Variants in PSTPIP1 observed in about 807,000 individuals in gnomAD.
PSTPIP1 encodes the protein proline-serine-threonine phosphatase-interacting protein 1.
In PSTPIP1, 66 loss-of-function variants were observed where a neutral mutation model predicts 69.6. The observed-to-expected ratio is 0.95, with a 90% confidence interval of 0.78 to 1.16. PSTPIP1 has a LOEUF of 1.16. PSTPIP1 is among the 50% of genes most tolerant of loss of function. PSTPIP1 has a pLI of 0.00. For missense variants in PSTPIP1, 603 were observed against 557.4 expected, an observed-to-expected ratio of 1.08 and a Z score of -0.82; for synonymous variants, 266 against 222.7, an observed-to-expected ratio of 1.19 and a Z score of -1.73.
chr15:77,008,656 C>A (rs144825829), intron 1 of PSTPIP1, among the ~76,000 whole-genome samples: 1 of 152,176 alleles, frequency 6.6e-6, no homozygotes, highest in Non-Finnish European at 1.5e-5. Flanking sequence ...GTAATCCACC[C>A]GCCTCGGCTT....
At chr15:77,009,649 G>A (rs2075892835) in intron 1 of PSTPIP1, among the ~76,000 whole-genome samples, 1 of 152,104 alleles carries the variant, frequency 6.6e-6, no homozygotes, top group Non-Finnish European at 1.5e-5. Context: ...CAAATGCCCT[G>A]CATGAGGCTC....
chr15:76,996,438 G>C (rs1422372162), intron 1 of PSTPIP1, among the ~76,000 whole-genome samples: 8 of 152,140 alleles, frequency 5.3e-5, no homozygotes, highest in Non-Finnish European at 1.0e-4. Context: ...GAAAAACTGA[G>C]ACCTCTCTGG....
At chr15:76,994,942 A>G (rs1459078545), upstream of PSTPIP1, 3 of 1,237,734 alleles carry the variant, frequency 2.4e-6, no homozygotes, top group South Asian at 1.3e-5. Flanking sequence ...TCCTGGCCAC[A>G]CTGTCAGTGG....
chr15:77,028,344 G>T (rs2076335559), intron 6 of PSTPIP1: 11 of 539,650 alleles, frequency 2.0e-5, no homozygotes, highest in Non-Finnish European at 3.6e-5. Flanking sequence ...TGTCCTCAGT[G>T]GGGAGGGCCT....
chr15:77,023,929 T>A (rs915879854), intron 3 of PSTPIP1: 2 of 151,744 alleles, frequency 1.3e-5, no homozygotes, highest in African/African-American at 4.9e-5. Flanking sequence ...CAGAGAAGAG[T>A]CCTGAGCCCC....
At chr15:77,012,492 TCCAC>T (rs1158783158) in intron 1 of PSTPIP1, among the ~76,000 whole-genome samples, 1 of 142,298 alleles carries the variant, frequency 7.0e-6, no homozygotes, top group African/African-American at 2.6e-5. Context: ...CACCCATCCA[TCCAC>T]CCACCCATCC....
chr15:77,037,000 C>T (rs760039352), intron 14 of PSTPIP1, 45 bp from the exon 15 acceptor site: 9 of 1,598,072 alleles, frequency 5.6e-6, no homozygotes, highest in Admixed American at 1.7e-5. Flanking sequence ...CAGGCCCTTC[C>T]CTGCAGGCCC....
Position 77,028,662 on chromosome 15 carries a change from G to T in PSTPIP1, c.516+10G>T. On this transcript the variant is annotated intron_variant, in intron 7 of 14. Coordinates refer to ENST00000558012, the MANE Select transcript of PSTPIP1 (RefSeq NM_003978.5). ...GAAGCAGGTGGAGAAGGTGCGCTGG[G>T]CTGCTGGGCCGTGTGGGTCGCCCAG... is the stretch of plus-strand genomic sequence containing the variant. 1 of 1,547,660 alleles carries T rather than the reference G, an allele frequency of 6.5e-7. No individual in the cohort carries two copies. Among genetic ancestry groups the T allele is most frequent in the Non-Finnish European group, 8.7e-7 (1 of 1,144,198 alleles).
In PSTPIP1 at chr15:77,037,056, G is replaced by A; in HGVS notation, c.1131G>A (p.Glu377=). The A allele has an allele frequency of 6.2e-7, 1 of 1,612,216 alleles. No homozygotes were observed. Among genetic ancestry groups the A allele is most frequent in the Non-Finnish European group, 8.5e-7 (1 of 1,179,608 alleles). The change falls in exon 15 of 15, where the codon GAG becomes GAA. Residue 377 remains glutamate, a synonymous_variant. Transcript: ENST00000558012. ...LYDYTAQNPD[E]LDLSAGDILE... ...AATCTCTTGGCCAGAACCCAGATGA[G>A]CTGGACCTGTCCGCGGGAGACATCC...
At chr15:77,036,907 G>C (rs948221702) in intron 14 of PSTPIP1, 138 bp from the exon 15 acceptor site, 1 of 1,160,044 alleles carries the variant, frequency 8.6e-7, no homozygotes, top group Non-Finnish European at 1.2e-6. Context: ...CCCCCATCCT[G>C]TGTCCCCAAG....
chr15:76,998,944 G>A (rs2075639675), intron 1 of PSTPIP1, among the ~76,000 whole-genome samples: 1 of 152,188 alleles, frequency 6.6e-6, no homozygotes, highest in Non-Finnish European at 1.5e-5. Flanking sequence ...TCACACCTTG[G>A]CAGGAAGTTT....
At position 77,037,341 on chromosome 15, in the gene PSTPIP1, G is replaced by T. The variant is rs538504370; in HGVS notation, c.*165G>T. The T allele has an allele frequency of 1.9e-5, 17 of 901,332 alleles. No homozygotes were observed. The highest frequency in any genetic ancestry group is 1.2e-4 in the Admixed American group (4 of 33,686). The allele number at this position is 901,332 out of a possible 1,614,324, so 55.8% of individuals were successfully genotyped here. On this transcript the variant is annotated 3_prime_UTR_variant, in exon 15 of 15. Transcript: ENST00000558012. Reference sequence around the variant, plus strand: ...GAGTGCGTTCTGTTCTCCTTGGTGTGCTGGGGTCCCGTTCTCTTTTTCTCC... The same window carrying T: ...GAGTGCGTTCTGTTCTCCTTGGTGTTCTGGGGTCCCGTTCTCTTTTTCTCC...
intron 1 of PSTPIP1, among the ~76,000 whole-genome samples, chr15:76,997,175 C>T (rs1445072361): frequency 6.6e-6 from 1 of 152,236 alleles, no homozygotes; most frequent in Non-Finnish European, 1.5e-5. Flanking sequence ...TCCTGAGCGG[C>T]ATCCTGCCCA....
intron 10 of PSTPIP1, 142 bp from the exon 11 acceptor site, chr15:77,032,156 G>A (rs1434694178): frequency 1.1e-5 from 8 of 739,104 alleles, no homozygotes; most frequent in Middle Eastern, 3.7e-4. Flanking sequence ...AGCCAGGGCC[G>A]TGACCCCTCA....
At position 77,035,553 on chromosome 15, in the gene PSTPIP1, A is replaced by G; in HGVS notation, c.975A>G (p.Ala325=). Residue 325 remains alanine, a synonymous_variant, in exon 13 of 15, where the codon GCA becomes GCG. Transcript: ENST00000558012. ...GAAGTCCCAAGACCACTTCGTTGGC[A>G]GCTTCTGCTGGTAAAGGGGGTCAGG... ...LHGSPKTTSL[A]ASAASTETLT... is the part of the protein sequence containing the mutation. The G allele has an allele frequency of 6.3e-7, 1 of 1,585,106 alleles. No individual in the cohort carries two copies. The highest frequency in any genetic ancestry group is 1.1e-5 in the South Asian group (1 of 87,142).
At chr15:77,016,697 G>C (rs2076058888) in intron 1 of PSTPIP1, among the ~76,000 whole-genome samples, 1 of 152,052 alleles carries the variant, frequency 6.6e-6, no homozygotes, top group Non-Finnish European at 1.5e-5. Context: ...GAGTTTGTGG[G>C]GAGGGGGGGC....
intron 1 of PSTPIP1, among the ~76,000 whole-genome samples, chr15:77,014,631 C>T (rs1415623295): frequency 6.6e-6 from 1 of 152,208 alleles, no homozygotes; most frequent in Admixed American, 6.5e-5. Flanking sequence ...CCTGCAGCCA[C>T]CAAGAGTTAT....
rs149036825 is a variant in PSTPIP1 at position 77,036,764 on chromosome 15, C to T, written c.1120-281C>T. Among the ~76,000 whole-genome samples the T allele has an allele frequency of 1.2e-3, 177 of 152,212 alleles. 2 individuals carry two copies. Among genetic ancestry groups the T allele is most frequent in the African/African-American group, 4.1e-3 (172 of 41,532 alleles). Reference sequence around the variant, plus strand: ...CTGGGCTTGGGGTATGATGAGCACCCGTGACCCCTGACATGCTCCAGTCAC... The same window carrying T: ...CTGGGCTTGGGGTATGATGAGCACCTGTGACCCCTGACATGCTCCAGTCAC... On this transcript the variant is annotated intron_variant, in intron 14 of 14. Coordinates refer to ENST00000558012, the MANE Select transcript of PSTPIP1 (RefSeq NM_003978.5).
At chr15:77,010,961 G>C (rs1445638861) in intron 1 of PSTPIP1, among the ~76,000 whole-genome samples, 1 of 152,116 alleles carries the variant, frequency 6.6e-6, no homozygotes, top group Non-Finnish European at 1.5e-5. Flanking sequence ...TCTCTTTTCT[G>C]CATGTTTTGG....
Sources: allele counts gnomAD v4.1 joint callset (sites outside exome capture counted in the v4.1 genomes callset), GRCh38; gene constraint gnomAD v4.1.1; transcripts MANE v1.5; gene names NCBI Gene and HGNC (gene_info 2026-07-23, HGNC 2026-07-21).